PTPRG: variants seen among roughly 807,000 people sequenced by gnomAD.
PTPRG encodes receptor-type tyrosine-protein phosphatase gamma.
PTPRG carries 102 observed loss-of-function variants against 165.3 expected under a neutral mutation model. The observed-to-expected ratio is 0.62, with a 90% confidence interval of 0.53 to 0.73. PTPRG has a LOEUF of 0.73. Ranked by LOEUF, PTPRG falls within the 30% of genes least tolerant of loss-of-function variation. The probability of loss-of-function intolerance (pLI) is 0.00; values close to 1 mark genes in which losing one functional copy is unlikely to be tolerated. For missense variants in PTPRG, 1,866 were observed against 1,861.4 expected (o/e 1.00, Z -0.05); for synonymous variants, 675 against 669.5 (o/e 1.01, Z -0.13).
At chr3:62,028,718 T>C (rs186048755) in intron 4 of PTPRG, among the ~76,000 whole-genome samples, 15 of 152,352 alleles carry the variant, frequency 9.8e-5, no homozygotes, top group South Asian at 6.2e-4. Flanking sequence ...TTTTAAAATA[T>C]AGGAGTGTCT....
intron 4 of PTPRG, among the ~76,000 whole-genome samples, chr3:62,013,532 C>T (rs1038565263): frequency 2.0e-5 from 3 of 152,124 alleles, no homozygotes; most frequent in African/African-American, 7.2e-5. Context: ...GTATTGTATG[C>T]AGTATTCAGG....
chr3:61,757,893 G>A (rs907350085), intron 2 of PTPRG, among the ~76,000 whole-genome samples: 1 of 152,094 alleles, frequency 6.6e-6, no homozygotes, highest in African/African-American at 2.4e-5. Flanking sequence ...TAATTTAAAG[G>A]TTCAAAGGAA....
At chr3:61,978,853 A>T (rs1054178608) in intron 2 of PTPRG, among the ~76,000 whole-genome samples, 8 of 152,178 alleles carry the variant, frequency 5.3e-5, no homozygotes, top group Admixed American at 3.3e-4. Context: ...GCTGGATTTG[A>T]TTCACAGGCC....
Position 61,561,811 on chromosome 3 carries a change from C to CGG in PTPRG, c.-474_-473dup, listed in dbSNP as rs1699759064. ...CTCGCAAACATGCCTCCTTCCTTCC[C>CGG]GGGGCCCTGGAAGGAGCTGCCTGCC... On this transcript the variant is annotated 5_prime_UTR_variant, in exon 1 of 30. It removes the in-frame stop codon of an upstream open reading frame in the 5' UTR. Coordinates refer to ENST00000474889, the MANE Select transcript of PTPRG (RefSeq NM_002841.4). 6.5e-6 allele frequency: 1 copy of CGG among 153,358 alleles called. No individual in the cohort carries two copies. The highest frequency in any genetic ancestry group is 6.5e-5 in the Admixed American group (1 of 15,284). 9.5% of individuals were successfully genotyped at this position (153,358 alleles called of 1,614,324 possible). A position where few individuals can be genotyped will look rare whatever the true frequency, so the allele number is the denominator to read the frequency against.
intron 2 of PTPRG, among the ~76,000 whole-genome samples, chr3:61,961,873 C>A (rs933484238): frequency 2.0e-5 from 3 of 152,106 alleles, no homozygotes; most frequent in African/African-American, 4.8e-5. Context: ...CTTTATCAGG[C>A]CTTCCAGGTG....
intron 2 of PTPRG, among the ~76,000 whole-genome samples, chr3:61,792,682 TTCTTTCTTTCTTTCTTTCTTTCTTTC>T: frequency 6.4e-4 from 1 of 1,574 alleles, no homozygotes; most frequent in Non-Finnish European, 1.0e-3. Context: ...CTTTCTTTCT[TTCTTTCTTTCTTTCTTTCTTTCTTTC>T]TTTCTTTCTT....
chr3:62,013,621 A>G (rs191123324), intron 4 of PTPRG, among the ~76,000 whole-genome samples: 1 of 152,316 alleles, frequency 6.6e-6, no homozygotes, highest in East Asian at 1.9e-4. Flanking sequence ...GTATATTAAT[A>G]TGTTTCACTA....
intron 2 of PTPRG, chr3:61,751,126 G>C (rs2033410203): frequency 6.6e-6 from 1 of 152,214 alleles, no homozygotes; most frequent in Admixed American, 6.5e-5. Flanking sequence ...AGTATCTATG[G>C]TTGGCTCATG....
intron 2 of PTPRG, 26 bp from the exon 3 acceptor site, chr3:61,989,599 A>G: frequency 6.2e-7 from 1 of 1,606,578 alleles, no homozygotes; most frequent in Non-Finnish European, 8.5e-7. Flanking sequence ...AACCATGAGG[A>G]TTGAAGTGTT....
intron 2 of PTPRG, among the ~76,000 whole-genome samples, chr3:61,940,242 G>T (rs2039586510): frequency 6.6e-6 from 1 of 152,146 alleles, no homozygotes; most frequent in South Asian, 2.1e-4. Flanking sequence ...GAGCCACCGT[G>T]CCCAGGCACT....
At chr3:62,126,179 C>T (rs1419950350) in intron 5 of PTPRG, among the ~76,000 whole-genome samples, 2 of 152,098 alleles carry the variant, frequency 1.3e-5, no homozygotes, top group African/African-American at 4.8e-5. Flanking sequence ...TTGGTTTTTC[C>T]AGTAATGCAC....
At chr3:61,877,061 T>C (rs1348097120) in intron 2 of PTPRG, among the ~76,000 whole-genome samples, 1 of 152,218 alleles carries the variant, frequency 6.6e-6, no homozygotes, top group Non-Finnish European at 1.5e-5. Flanking sequence ...TTGAGGTCTT[T>C]GCCTTGTGCA....
At chr3:61,714,080 G>T (rs1244745278) in intron 1 of PTPRG, among the ~76,000 whole-genome samples, 2 of 152,076 alleles carry the variant, frequency 1.3e-5, no homozygotes, top group African/African-American at 2.4e-5. Flanking sequence ...TGTCTTTTCT[G>T]GCTTTCTAAA....
rs1254847076 is a variant in PTPRG, at chr3:61,989,787, A to G, written c.353A>G (p.Lys118Arg). The stretch of plus-strand genomic sequence containing the variant: ...GAGTCTTCTAACAAAACCTGGATGA[A>G]AAACACAGGGAAAACAGGTAGACAA... ...DNESSNKTWM[K>R]NTGKTVAILL... The change falls in exon 3 of 30, where the codon AAA becomes AGA. Residue 118 changes from lysine to arginine, a missense_variant. Transcript: ENST00000474889. The G allele has an allele frequency of 6.2e-7, 1 of 1,614,018 alleles. No individual in the cohort carries two copies. The highest frequency in any genetic ancestry group is 2.2e-5 in the East Asian group (1 of 44,880).
rs79923392 is a variant in PTPRG, at chr3:61,882,536, A to G, written c.191-107089A>G. On this transcript the variant is annotated intron_variant, in intron 2 of 29. Coordinates refer to ENST00000474889, the MANE Select transcript of PTPRG (RefSeq NM_002841.4). ...TTAGTATGAGGTACTAAGGGCTTTT[A>G]TTTAAGCTGTGTGCCATCTCACTTA... Among the ~76,000 whole-genome samples the G allele has an allele frequency of 3.3e-3, 498 of 152,314 alleles. 2 individuals are homozygous for G. The highest frequency in any genetic ancestry group is 5.0e-3 in the Non-Finnish European group (340 of 68,012).
chr3:62,032,432 T>C (rs1199513996), intron 4 of PTPRG, among the ~76,000 whole-genome samples: 1 of 152,164 alleles, frequency 6.6e-6, no homozygotes, highest in African/African-American at 2.4e-5. Flanking sequence ...CCGAATATAC[T>C]ATTGTAGGAA....
rs1257332910 is a variant in PTPRG, at chr3:62,210,865, CTATT to C, written c.2155+6919_2155+6922del. Among the ~76,000 whole-genome samples, 1 of 152,004 alleles carries C rather than the reference CTATT, an allele frequency of 6.6e-6. No individual in the cohort carries two copies. Among genetic ancestry groups the C allele is most frequent in the Non-Finnish European group, 1.5e-5 (1 of 68,012 alleles). ...CAAATAATATACAAATATGTGTTAA[CTATT>C]TATGTTATTGGTGAGGCTTCCGGTC... is the stretch of plus-strand genomic sequence containing the variant. On this transcript the variant is annotated intron_variant, in intron 12 of 29. Coordinates refer to ENST00000474889, the MANE Select transcript of PTPRG (RefSeq NM_002841.4). The surrounding 1 kb of genome is among the most constrained non-coding windows in gnomAD (Gnocchi z 4.1).
chr3:62,264,578 A>G (rs1268790224), intron 17 of PTPRG, among the ~76,000 whole-genome samples: 1 of 152,146 alleles, frequency 6.6e-6, no homozygotes, highest in African/African-American at 2.4e-5. Flanking sequence ...TCTTTAATTT[A>G]GCGCAATGAT....
intron 1 of PTPRG, among the ~76,000 whole-genome samples, chr3:61,626,933 C>G (rs1242480387): frequency 6.6e-6 from 1 of 152,118 alleles, no homozygotes; most frequent in African/African-American, 2.4e-5. Context: ...ATCAGCAAAA[C>G]CCACAATGAG....
Sources: gnomAD v4.1 joint callset for allele counts (sites outside exome capture counted in the v4.1 genomes callset) on GRCh38, gnomAD v4.1.1 for gene constraint, Gnocchi (gnomAD v3.1) non-coding constraint, MANE v1.5 for transcripts, NCBI Gene and HGNC (gene_info 2026-07-23, HGNC 2026-07-21) for gene names.